Variants in NPHP4 observed in about 807,000 individuals in gnomAD.
NPHP4 encodes nephrocystin 4.
NPHP4 carries 151 observed loss-of-function variants against 155.8 expected under a neutral mutation model. The observed-to-expected ratio is 0.97, with a 90% CI of 0.85 to 1.11. The LOEUF (loss-of-function observed/expected upper bound fraction) is 1.11. NPHP4 is among the 50% of genes least tolerant of loss of function. NPHP4 has a pLI of 0.00. For missense variants in NPHP4, 1,956 were observed against 1,925.7 expected, an observed-to-expected ratio of 1.02 and a Z score of -0.29; for synonymous variants, 845 against 816.8, an observed-to-expected ratio of 1.03 and a Z score of -0.59.
chr1:5,939,807 A>G (rs992151240), intron 9 of NPHP4, among the ~76,000 whole-genome samples: 15 of 152,210 alleles, frequency 9.9e-5, no homozygotes, highest in African/African-American at 3.1e-4. Flanking sequence ...CGCGTTGTCT[A>G]TGAGCTTGGA....
rs182937261 is a variant in NPHP4, at chr1:5,900,379, T to G, written c.2143+4238A>C. 2.1e-3 allele frequency among the ~76,000 whole-genome samples: 319 copies of G among 152,184 alleles called. 2 individuals carry two copies. The highest frequency in any genetic ancestry group is 1.8e-3 in the Non-Finnish European group (124 of 68,008). On this transcript the variant is annotated intron_variant, in intron 16 of 29. Coordinates refer to ENST00000378156, the MANE Select transcript of NPHP4 (RefSeq NM_015102.5). ...CGTGCAATGAAGTATCATTCAGCAA[T>G]CCAATACGTGAGTGAGCGAGACACA...
rs141024193 is a variant in NPHP4 at position 5,889,891 on chromosome 1, G to A, written c.2304+977C>T. ...TCTGTGCACAGCCCACCACCCTGGG[G>A]GGCATCCCCCTCCTCTAGAAGTCAC... On this transcript the variant is annotated intron_variant, in intron 17 of 29. Coordinates refer to ENST00000378156, the MANE Select transcript of NPHP4 (RefSeq NM_015102.5). This position sits in a 1 kb window ranked among gnomAD's most constrained non-coding sequence, Gnocchi z 4.2. Among the ~76,000 whole-genome samples the A allele has an allele frequency of 2.6e-5, 4 of 152,338 alleles. No homozygotes were observed. The highest frequency in any genetic ancestry group is 6.5e-5 in the Admixed American group (1 of 15,304).
chr1:5,877,699 G>A (rs995730628), intron 19 of NPHP4, among the ~76,000 whole-genome samples: 1 of 152,218 alleles, frequency 6.6e-6, no homozygotes, highest in African/African-American at 2.4e-5. Context: ...GGGGTAAGGG[G>A]TTGTCCCCTT....
intron 23 of NPHP4, among the ~76,000 whole-genome samples, chr1:5,869,367 C>T (rs1486535680): frequency 6.6e-6 from 1 of 151,738 alleles, no homozygotes; most frequent in Admixed American, 6.6e-5. Flanking sequence ...CACATGCATG[C>T]ACACACACAT....
At chr1:5,948,825 G>A (rs116502379) in intron 7 of NPHP4, among the ~76,000 whole-genome samples, 1,530 of 152,248 alleles carry the variant, frequency 0.01, 28 homozygotes, top group African/African-American at 0.034. Flanking sequence ...AACAGAACCA[G>A]CCCCAAAGTG....
intron 20 of NPHP4, 42 bp downstream of exon 20, chr1:5,877,051 G>C (rs562583315): frequency 1.5e-6 from 2 of 1,298,102 alleles, no homozygotes; most frequent in Non-Finnish European, 2.0e-6. Context: ...GACTCAGTCT[G>C]CATGGAGATC....
chr1:5,886,288 A>G (rs1419730945), intron 18 of NPHP4, among the ~76,000 whole-genome samples: 1 of 152,182 alleles, frequency 6.6e-6, no homozygotes, highest in African/African-American at 2.4e-5. Flanking sequence ...GTACATTCGT[A>G]AACAGGCAGG....
intron 11 of NPHP4, among the ~76,000 whole-genome samples, chr1:5,923,348 A>G (rs1366201659): frequency 1.3e-5 from 2 of 152,246 alleles, no homozygotes; most frequent in Non-Finnish European, 2.9e-5. Context: ...ACTTCAGGCA[A>G]CAAAGGAGAG....
At position 5,988,438 on chromosome 1, in the gene NPHP4, A is replaced by C. The variant is rs138294503; in HGVS notation, c.-38-2111T>G. Among the ~76,000 whole-genome samples, 834 of 152,346 alleles carry C rather than the reference A, an allele frequency of 5.5e-3. 8 individuals carry two copies. The highest frequency in any genetic ancestry group is 0.018 in the African/African-American group (758 of 41,574). On this transcript the variant is annotated intron_variant, in intron 1 of 29. Transcript: ENST00000378156. ...GAATGCAAAAGAATCCCACTCTTCT[A>C]AATTTTTTTTTGTTTTGGATAATAT... is the stretch of plus-strand genomic sequence containing the variant.
At chr1:5,873,091 C>A (rs1201034345) in intron 23 of NPHP4, among the ~76,000 whole-genome samples, 161 bp downstream of exon 23, 2 of 152,182 alleles carry the variant, frequency 1.3e-5, no homozygotes, top group African/African-American at 4.8e-5. Context: ...AGCTGCCCTG[C>A]CCAGCGAGGA....
chr1:5,963,660 C>A (rs1390408881), intron 5 of NPHP4, among the ~76,000 whole-genome samples: 1 of 150,886 alleles, frequency 6.6e-6, no homozygotes, highest in Non-Finnish European at 1.5e-5. Context: ...CGGACGCCCA[C>A]TGCAACGGGG....
intron 25 of NPHP4, 143 bp from the exon 26 acceptor site, chr1:5,866,601 A>G (rs1166098625): frequency 1.6e-6 from 1 of 627,452 alleles, no homozygotes. Context: ...ACCAATCGGA[A>G]TTCACTATTC....
chr1:5,988,713 C>G (rs751464128), intron 1 of NPHP4, among the ~76,000 whole-genome samples: 2 of 152,152 alleles, frequency 1.3e-5, no homozygotes, highest in African/African-American at 4.8e-5. Flanking sequence ...GTGTGGGAAC[C>G]GAGAGGACAT....
intron 26 of NPHP4, chr1:5,865,644 G>T (rs943929063): frequency 4.7e-5 from 9 of 190,940 alleles, no homozygotes; most frequent in Non-Finnish European, 9.7e-5. Context: ...TAAGCCAAGG[G>T]CAGCGCCACG....
intron 6 of NPHP4, among the ~76,000 whole-genome samples, chr1:5,954,897 G>A (rs867523592): frequency 4.6e-5 from 7 of 151,868 alleles, no homozygotes; most frequent in South Asian, 4.2e-4. Context: ...AAAATAAAAA[G>A]GTCTTACACA....
At chr1:5,866,215 T>C in intron 26 of NPHP4, 158 bp downstream of exon 26, 1 of 688,906 alleles carries the variant, frequency 1.5e-6, no homozygotes, top group African/African-American at 1.8e-5. Context: ...CTGCGGGCCC[T>C]GAACTCGCAG....
At chr1:5,877,620 C>T (rs1042224221) in intron 19 of NPHP4, among the ~76,000 whole-genome samples, 8 of 152,202 alleles carry the variant, frequency 5.3e-5, no homozygotes, top group Non-Finnish European at 8.8e-5. Context: ...CCCATGCTCT[C>T]GGGATCTTAA....
intron 6 of NPHP4, among the ~76,000 whole-genome samples, chr1:5,959,298 G>A (rs990668822): frequency 6.6e-6 from 1 of 152,224 alleles, no homozygotes; most frequent in African/African-American, 2.4e-5. Flanking sequence ...TCCACACCTG[G>A]AAGGCCGACT....
At chr1:5,962,081 G>A in intron 5 of NPHP4, 132 bp from the exon 6 acceptor site, 1 of 601,956 alleles carries the variant, frequency 1.7e-6, no homozygotes, top group South Asian at 2.5e-5. Flanking sequence ...GAGTGAAGTG[G>A]TGCTCTGTTC....
Sources: allele counts gnomAD v4.1 joint callset (sites outside exome capture counted in the v4.1 genomes callset), GRCh38; gene constraint gnomAD v4.1.1; non-coding constraint Gnocchi (gnomAD v3.1); transcripts MANE v1.5; gene names NCBI Gene and HGNC (gene_info 2026-07-23, HGNC 2026-07-21).